GMDS: variants seen among roughly 807,000 people sequenced by gnomAD.
GMDS encodes GDP-mannose 4,6 dehydratase.
A neutral mutation model predicts 49.9 loss-of-function variants in GMDS; 20 were observed. The ratio of observed to expected loss-of-function variants is 0.40; its 90% CI spans 0.28 to 0.58. The LOEUF (loss-of-function observed/expected upper bound fraction) is 0.58, where lower values mean the gene tolerates loss of function less well. Ranked by LOEUF, GMDS falls within the 20% of genes least tolerant of loss-of-function variation. The pLI, the probability that GMDS is intolerant of heterozygous loss-of-function variation, is 0.42. For missense variants in GMDS, 362 were observed against 481.4 expected (o/e 0.75, Z 2.32); for synonymous variants, 177 against 178.6 (o/e 0.99, Z 0.07).
chr6:1,981,048 A>C (rs1194530228), intron 4 of GMDS, among the ~76,000 whole-genome samples: 2 of 152,214 alleles, frequency 1.3e-5, no homozygotes, highest in East Asian at 1.9e-4. Context: ...AGCTGTGTTA[A>C]AAGAAAAATT....
At chr6:2,112,466 A>G (rs1000637937) in intron 4 of GMDS, among the ~76,000 whole-genome samples, 2 of 152,154 alleles carry the variant, frequency 1.3e-5, no homozygotes, top group Admixed American at 1.3e-4. Context: ...CAGACCAGGG[A>G]CAGCATCATC....
At chr6:1,876,074 C>T (rs1224375266) in intron 7 of GMDS, among the ~76,000 whole-genome samples, 1 of 149,908 alleles carries the variant, frequency 6.7e-6, no homozygotes, top group Non-Finnish European at 1.5e-5. Context: ...CAGTCTTCTA[C>T]TATATCTTCA....
At chr6:1,639,270 G>A (rs1763256252) in intron 9 of GMDS, among the ~76,000 whole-genome samples, 1 of 152,214 alleles carries the variant, frequency 6.6e-6, no homozygotes, top group South Asian at 2.1e-4. Flanking sequence ...TTCCCACTGG[G>A]GGAAGTGGAA....
intron 1 of GMDS, among the ~76,000 whole-genome samples, chr6:2,207,945 G>C (rs1779877632): frequency 6.6e-6 from 1 of 151,926 alleles, no homozygotes. Flanking sequence ...TGTTTGCCAA[G>C]TTAGTAGCTT....
chr6:1,957,495 T>C (rs1723200887), intron 6 of GMDS, among the ~76,000 whole-genome samples: 1 of 152,232 alleles, frequency 6.6e-6, no homozygotes, highest in Admixed American at 6.5e-5. Flanking sequence ...TACATCTCTT[T>C]TTCTCATTAT....
chr6:2,047,635 T>G (rs1770101819), intron 4 of GMDS, among the ~76,000 whole-genome samples: 1 of 151,970 alleles, frequency 6.6e-6, no homozygotes, highest in Non-Finnish European at 1.5e-5. Flanking sequence ...ATTACAGGTG[T>G]GCACCACCTT....
At chr6:2,084,632 G>A (rs888709225) in intron 4 of GMDS, among the ~76,000 whole-genome samples, 29 of 151,886 alleles carry the variant, frequency 1.9e-4, no homozygotes, top group Admixed American at 1.2e-3. Context: ...TCAGCCTCCC[G>A]TGTAGCTGGG....
intron 4 of GMDS, among the ~76,000 whole-genome samples, chr6:2,114,272 G>A (rs1340014132): frequency 6.6e-6 from 1 of 152,154 alleles, no homozygotes; most frequent in African/African-American, 2.4e-5. Flanking sequence ...ATAACAGAAT[G>A]TTCATTCCAA....
chr6:1,937,803 T>A (rs1019925880), intron 6 of GMDS, among the ~76,000 whole-genome samples: 5 of 152,204 alleles, frequency 3.3e-5, no homozygotes, highest in African/African-American at 1.2e-4. Flanking sequence ...TAAGGTCACA[T>A]CAACAGGTTC....
chr6:1,634,568 G>A (rs1026000901), intron 9 of GMDS, among the ~76,000 whole-genome samples: 3 of 152,302 alleles, frequency 2.0e-5, no homozygotes, highest in Admixed American at 6.5e-5. Flanking sequence ...AAGTCCACTC[G>A]TTTACAGTGA....
chr6:2,095,614 G>A (rs781523965), intron 4 of GMDS, among the ~76,000 whole-genome samples: 4 of 152,176 alleles, frequency 2.6e-5, no homozygotes, highest in Non-Finnish European at 5.9e-5. Context: ...GAAAATCGGT[G>A]TTGCAGAATC....
chr6:1,734,152 C>T (rs1766925713), intron 8 of GMDS, among the ~76,000 whole-genome samples: 1 of 152,150 alleles, frequency 6.6e-6, no homozygotes, highest in African/African-American at 2.4e-5. Context: ...GAAATGGAGG[C>T]TGGTTAGCCT....
intron 8 of GMDS, among the ~76,000 whole-genome samples, chr6:1,737,716 GACACACCACAAAC>G (rs1398607054): frequency 1.9e-5 from 2 of 106,732 alleles, no homozygotes; most frequent in Non-Finnish European, 3.7e-5. Flanking sequence ...ACACCACAAA[GACACACCACAAAC>G]ACACACACAC....
At chr6:1,880,791 A>T (rs1759323580) in intron 7 of GMDS, among the ~76,000 whole-genome samples, 2 of 152,194 alleles carry the variant, frequency 1.3e-5, no homozygotes, top group Admixed American at 1.3e-4. Context: ...CAGCAGAAAC[A>T]ATGGCCTTAT....
chr6:2,006,583 GA>G (rs2127388671), intron 4 of GMDS, among the ~76,000 whole-genome samples: 1 of 152,160 alleles, frequency 6.6e-6, no homozygotes, highest in South Asian at 2.1e-4. Context: ...TAATTTCTAG[GA>G]AAACCTACAA....
intron 7 of GMDS, among the ~76,000 whole-genome samples, chr6:1,824,998 T>C (rs1771047497): frequency 6.6e-6 from 1 of 152,186 alleles, no homozygotes. Flanking sequence ...GCTTACTAAA[T>C]ATGTGGTTAT....
chr6:1,737,363 C>G (rs1267714790), intron 8 of GMDS, among the ~76,000 whole-genome samples: 1 of 152,126 alleles, frequency 6.6e-6, no homozygotes, highest in Admixed American at 6.5e-5. Context: ...TTTGGGTTAT[C>G]CTACTATCAT....
intron 4 of GMDS, among the ~76,000 whole-genome samples, chr6:2,011,278 T>C (rs1263302679): frequency 6.6e-6 from 1 of 152,200 alleles, no homozygotes. Context: ...AAATGACTAT[T>C]ACTAAAAAGT....
chr6:2,119,658 T>C (rs1348937888), intron 2 of GMDS, among the ~76,000 whole-genome samples: 1 of 152,186 alleles, frequency 6.6e-6, no homozygotes, highest in African/African-American at 2.4e-5. Context: ...TTTGTTTGTT[T>C]TTATAAGGAT....
Sources: allele counts gnomAD v4.1 joint callset (sites outside exome capture counted in the v4.1 genomes callset), GRCh38; gene constraint gnomAD v4.1.1; transcripts MANE v1.5; gene names NCBI Gene and HGNC (gene_info 2026-07-23, HGNC 2026-07-21).